The following CACNA1D variants were observed in gnomAD, a reference collection of about 807,000 sequenced individuals.
CACNA1D encodes the protein voltage-dependent L-type calcium channel subunit alpha-1D.
A neutral mutation model predicts 257.1 loss-of-function variants in CACNA1D; 55 were observed. That is an observed-to-expected ratio of 0.21 (90% CI 0.17 to 0.27). The LOEUF (loss-of-function observed/expected upper bound fraction) is 0.27. CACNA1D is among the 10% of genes least tolerant of loss of function. The probability of loss-of-function intolerance (pLI) is 1.00; values close to 1 mark genes in which losing one functional copy is unlikely to be tolerated. For missense variants in CACNA1D, 1,876 were observed against 2,784.0 expected (o/e 0.67, Z 7.34); for synonymous variants, 980 against 1,014.9 (o/e 0.97, Z 0.65).
chr3:53,618,058 C>T (rs2093656225), intron 3 of CACNA1D, among the ~76,000 whole-genome samples: 2 of 152,160 alleles, frequency 1.3e-5, no homozygotes, highest in Non-Finnish European at 2.9e-5. Context: ...TTGAACAGCT[C>T]TTTGCATCCA....
At chr3:53,674,588 A>T (rs2094355823) in intron 8 of CACNA1D, among the ~76,000 whole-genome samples, 1 of 152,186 alleles carries the variant, frequency 6.6e-6, no homozygotes, top group Admixed American at 6.5e-5. Flanking sequence ...GGAACTCCTT[A>T]TGTTGCAGGC....
chr3:53,696,096 T>C (rs2094570683), intron 8 of CACNA1D, among the ~76,000 whole-genome samples: 1 of 152,176 alleles, frequency 6.6e-6, no homozygotes. Context: ...CCTGAGTAGC[T>C]GAGACCACAG....
intron 3 of CACNA1D, among the ~76,000 whole-genome samples, chr3:53,576,979 A>G (rs1169588471): frequency 6.6e-6 from 1 of 152,204 alleles, no homozygotes; most frequent in East Asian, 1.9e-4. Flanking sequence ...CAGCTTCTTC[A>G]TATTGGTTCC....
At chr3:53,734,734 C>T (rs1250889990) in intron 19 of CACNA1D, among the ~76,000 whole-genome samples, 2 of 152,154 alleles carry the variant, frequency 1.3e-5, no homozygotes, top group Non-Finnish European at 2.9e-5. Flanking sequence ...GCAAATGATG[C>T]TCCAACCTTC....
chr3:53,543,768 G>A (rs976835558), intron 3 of CACNA1D, among the ~76,000 whole-genome samples: 4 of 152,220 alleles, frequency 2.6e-5, no homozygotes, highest in East Asian at 1.9e-4. Flanking sequence ...TAGATATCTC[G>A]TCCAGGGTCA....
chr3:53,687,642 A>G (rs2094484899), intron 8 of CACNA1D, among the ~76,000 whole-genome samples: 2 of 152,186 alleles, frequency 1.3e-5, no homozygotes, highest in African/African-American at 4.8e-5. Context: ...AAACATATAA[A>G]TATTTTCTAA....
At chr3:53,554,136 C>CG (rs2092593944) in intron 3 of CACNA1D, among the ~76,000 whole-genome samples, 1 of 150,768 alleles carries the variant, frequency 6.6e-6, no homozygotes, top group South Asian at 2.1e-4. Context: ...GCGGAGCTTG[C>CG]AGTGAGCCAA....
intron 8 of CACNA1D, among the ~76,000 whole-genome samples, chr3:53,687,089 A>G (rs1417158823): frequency 6.6e-6 from 1 of 152,042 alleles, no homozygotes; most frequent in African/African-American, 2.4e-5. Context: ...GATATGGAAG[A>G]CCTCTACACT....
intron 3 of CACNA1D, among the ~76,000 whole-genome samples, chr3:53,640,271 A>C (rs1478303611): frequency 6.6e-6 from 1 of 152,204 alleles, no homozygotes; most frequent in Non-Finnish European, 1.5e-5. Flanking sequence ...TGTAGGGCAC[A>C]TTCCCATTGC....
intron 3 of CACNA1D, among the ~76,000 whole-genome samples, chr3:53,584,124 C>T (rs962686271): frequency 1.3e-5 from 2 of 152,076 alleles, no homozygotes; most frequent in Non-Finnish European, 2.9e-5. Context: ...GATTGTCTCT[C>T]TATCTGGGCC....
intron 9 of CACNA1D, among the ~76,000 whole-genome samples, chr3:53,704,838 A>G (rs2094669476): frequency 6.6e-6 from 1 of 152,242 alleles, no homozygotes; most frequent in Non-Finnish European, 1.5e-5. Flanking sequence ...GCCTTCTTAC[A>G]GGCCAGTGGC....
Position 53,628,486 on chromosome 3 carries a change from A to C in CACNA1D, c.484-22293A>C, listed in dbSNP as rs9812108. Among the ~76,000 whole-genome samples the C allele has an allele frequency of 5.5e-3, 838 of 152,338 alleles. 9 individuals carry two copies. Among genetic ancestry groups the C allele is most frequent in the African/African-American group, 0.019 (803 of 41,576 alleles). On this transcript the variant is annotated intron_variant, in intron 3 of 47. Coordinates refer to ENST00000350061, the MANE Select transcript of CACNA1D (RefSeq NM_001128840.3). ...CCATGGCACTTAAAGTATTTTGCAGAAACTATTATTTTAACTTATTTTCAC... is the reference window on the plus strand; with the variant it reads ...CCATGGCACTTAAAGTATTTTGCAGCAACTATTATTTTAACTTATTTTCAC...
chr3:53,800,397 C>A lies in CACNA1D; in HGVS notation c.5040+32C>A. The A allele has an allele frequency of 7.1e-7, 1 of 1,399,202 alleles. No homozygotes were observed. Among genetic ancestry groups the A allele is most frequent in the South Asian group, 1.2e-5 (1 of 86,696 alleles). 86.7% of individuals were successfully genotyped at this position (1,399,202 alleles called of 1,614,324 possible). A position where few individuals can be genotyped will look rare whatever the true frequency, so the allele number is the denominator to read the frequency against. ...ATTCCACGCCTAGCTACACACTGGCCATCTGGAAATAGCAGGGCAGGACTC... is the reference window on the plus strand; with the variant it reads ...ATTCCACGCCTAGCTACACACTGGCAATCTGGAAATAGCAGGGCAGGACTC... On this transcript the variant is annotated intron_variant, in intron 41 of 47. Transcript: ENST00000350061. This position sits in a 1 kb window ranked among gnomAD's most constrained non-coding sequence, Gnocchi z 4.3.
At chr3:53,652,149 C>T (rs73090213) in intron 4 of CACNA1D, among the ~76,000 whole-genome samples, 167 of 152,254 alleles carry the variant, frequency 1.1e-3, no homozygotes, top group Non-Finnish European at 1.8e-3. Context: ...AATGGCAAGC[C>T]GAAGCCTTGC....
At chr3:53,670,877 T>C (rs933959302) in intron 7 of CACNA1D, among the ~76,000 whole-genome samples, 1 of 152,200 alleles carries the variant, frequency 6.6e-6, no homozygotes, top group Non-Finnish European at 1.5e-5. Flanking sequence ...GTTCTGATTT[T>C]TCTTTTGTAT....
At chr3:53,595,222 G>GA (rs1278844007) in intron 3 of CACNA1D, among the ~76,000 whole-genome samples, 2 of 152,200 alleles carry the variant, frequency 1.3e-5, no homozygotes, top group African/African-American at 2.4e-5. Flanking sequence ...TTAGGTTTTT[G>GA]ACAGCCAGCT....
intron 8 of CACNA1D, among the ~76,000 whole-genome samples, chr3:53,701,518 C>T (rs2094625861): frequency 6.6e-6 from 1 of 152,100 alleles, no homozygotes; most frequent in Non-Finnish European, 1.5e-5. Context: ...CGAGGTAGGA[C>T]CCTGAAAGAG....
intron 8 of CACNA1D, among the ~76,000 whole-genome samples, chr3:53,700,082 T>A (rs1576391867): frequency 1.4e-5 from 2 of 148,066 alleles, no homozygotes; most frequent in African/African-American, 4.9e-5. Flanking sequence ...TTATATAATT[T>A]AAAAATAAAA....
intron 20 of CACNA1D, among the ~76,000 whole-genome samples, chr3:53,738,885 G>A (rs554489464): frequency 2.6e-5 from 4 of 151,812 alleles, no homozygotes; most frequent in Non-Finnish European, 5.9e-5. Flanking sequence ...GCTACTAGAT[G>A]CTTTCCATGT....
Sources: allele counts gnomAD v4.1 joint callset (sites outside exome capture counted in the v4.1 genomes callset), GRCh38; gene constraint gnomAD v4.1.1; non-coding constraint Gnocchi (gnomAD v3.1); transcripts MANE v1.5; gene names NCBI Gene and HGNC (gene_info 2026-07-23, HGNC 2026-07-21).